Variants in CSMD3 observed in about 807,000 individuals in gnomAD.
CSMD3 encodes CUB and sushi domain-containing protein 3.
In CSMD3, 177 loss-of-function variants were observed where a neutral mutation model predicts 435.2. The ratio of observed to expected loss-of-function variants is 0.41; its 90% CI spans 0.36 to 0.46. CSMD3 has a LOEUF of 0.46. CSMD3 is among the 20% of genes least tolerant of loss of function. The pLI, the probability that CSMD3 is intolerant of heterozygous loss-of-function variation, is 0.34. For synonymous variants in CSMD3, 1,656 were observed against 1,520.5 expected, an observed-to-expected ratio of 1.09 and a Z score of -2.07; for missense variants, 4,265 against 4,504.6, an observed-to-expected ratio of 0.95 and a Z score of 1.52.
chr8:113,145,693 T>C (rs906651320), intron 4 of CSMD3, among the ~76,000 whole-genome samples: 3 of 151,658 alleles, frequency 2.0e-5, no homozygotes, highest in South Asian at 4.1e-4. Context: ...GTATATTACC[T>C]GGTTTATTAA....
At chr8:112,990,144 C>T (rs73347969) in intron 6 of CSMD3, among the ~76,000 whole-genome samples, 2,792 of 151,934 alleles carry the variant, frequency 0.018, 32 homozygotes, top group Non-Finnish European at 0.023. Flanking sequence ...TACTCAGTCC[C>T]GAATACGTCT....
chr8:113,081,110 G>A (rs141651005), intron 5 of CSMD3, among the ~76,000 whole-genome samples: 9 of 152,272 alleles, frequency 5.9e-5, no homozygotes, highest in African/African-American at 1.7e-4. Context: ...TAAATGTACT[G>A]TGAAAATGTA....
At chr8:112,321,081 T>TC (rs1038887240) in intron 45 of CSMD3, among the ~76,000 whole-genome samples, 3 of 152,140 alleles carry the variant, frequency 2.0e-5, no homozygotes, top group African/African-American at 4.8e-5. Context: ...TCTTTTTTTT[T>TC]CCCTTAAAGT....
intron 13 of CSMD3, among the ~76,000 whole-genome samples, chr8:112,740,028 G>C (rs1238787418): frequency 6.6e-6 from 1 of 151,462 alleles, no homozygotes; most frequent in Non-Finnish European, 1.5e-5. Context: ...GATATCAATG[G>C]GCACAGAGAA....
At chr8:112,662,824 C>T (rs2075419789) in intron 17 of CSMD3, among the ~76,000 whole-genome samples, 1 of 151,936 alleles carries the variant, frequency 6.6e-6, no homozygotes, top group Non-Finnish European at 1.5e-5. Context: ...AACAAATTTA[C>T]AAGAAAAAAA....
chr8:113,101,861 AT>A (rs2090340560), intron 4 of CSMD3, among the ~76,000 whole-genome samples: 1 of 152,086 alleles, frequency 6.6e-6, no homozygotes, highest in Non-Finnish European at 1.5e-5. Context: ...TAAATGTTAG[AT>A]TAAAAAAAAT....
intron 3 of CSMD3, among the ~76,000 whole-genome samples, chr8:113,267,524 T>C (rs1160001313): frequency 6.6e-6 from 1 of 151,652 alleles, no homozygotes; most frequent in African/African-American, 2.4e-5. Flanking sequence ...TTTTTACTTA[T>C]ATGTGGGATC....
intron 13 of CSMD3, among the ~76,000 whole-genome samples, chr8:112,750,973 C>T (rs1419659840): frequency 1.3e-5 from 2 of 151,724 alleles, no homozygotes; most frequent in Non-Finnish European, 2.9e-5. Flanking sequence ...TTCTGCAGGG[C>T]TGACTGCAGG....
At position 113,198,875 on chromosome 8, in the gene CSMD3, C is replaced by T. The variant is rs376970620; in HGVS notation, c.515-24959G>A. 2.0e-5 allele frequency among the ~76,000 whole-genome samples: 3 copies of T among 151,176 alleles called. No individual in the cohort carries two copies. The East Asian group carries it at 5.9e-4, about 29-fold the overall frequency. On this transcript the variant is annotated intron_variant, in intron 3 of 70. Transcript: ENST00000297405. ...TATCAAAATCCCCAAAAGAATTAAA[C>T]AGAGCCAACGTTAGAGATATTGTAA...
chr8:112,407,118 A>G (rs1831930425), intron 34 of CSMD3, among the ~76,000 whole-genome samples: 1 of 151,758 alleles, frequency 6.6e-6, no homozygotes, highest in South Asian at 2.1e-4. Flanking sequence ...ATATCAAATA[A>G]TTTTACATTT....
rs990676623 is a variant in CSMD3 at position 112,540,475 on chromosome 8, T to C, written c.4564+10196A>G. On this transcript the variant is annotated intron_variant, in intron 27 of 70. Transcript: ENST00000297405. The stretch of plus-strand genomic sequence containing the variant: ...AAAATTAGTATATCAAAGAGATAGC[T>C]GCACGTGCATGTTTATTGCAGCCCT... 3.3e-5 allele frequency among the ~76,000 whole-genome samples: 5 copies of C among 152,076 alleles called. 1 individual carries two copies. Among genetic ancestry groups the C allele is most frequent in the Admixed American group, 6.6e-5 (1 of 15,236 alleles).
chr8:112,254,067 T>C (rs1815540132), intron 63 of CSMD3, among the ~76,000 whole-genome samples, 186 bp downstream of exon 63: 1 of 152,040 alleles, frequency 6.6e-6, no homozygotes, highest in Admixed American at 6.6e-5. Flanking sequence ...TAGGAAATTT[T>C]ATTAAAAAAA....
intron 27 of CSMD3, among the ~76,000 whole-genome samples, chr8:112,524,761 T>C (rs1267125298): frequency 6.6e-6 from 1 of 151,982 alleles, no homozygotes; most frequent in African/African-American, 2.4e-5. Context: ...ATACAAAATC[T>C]ATTTTAAAAA....
chr8:112,387,630 C>A (rs1468100352), intron 36 of CSMD3, among the ~76,000 whole-genome samples: 2 of 152,000 alleles, frequency 1.3e-5, no homozygotes, highest in East Asian at 1.9e-4. Context: ...GCTTTACACA[C>A]TATATGTTTG....
chr8:112,407,493 A>C (rs1439149710), intron 34 of CSMD3, among the ~76,000 whole-genome samples: 1 of 152,038 alleles, frequency 6.6e-6, no homozygotes, highest in East Asian at 1.9e-4. Flanking sequence ...TTCTAAATAG[A>C]TTAATTCTTC....
Position 112,537,519 on chromosome 8 carries a change from A to C in CSMD3, c.4564+13152T>G, listed in dbSNP as rs553307991. ...GATTAAGAGAAAAGAGAGAAGCCTC[A>C]GGTAAAAATCACAGCCAAAAAATGA... is the stretch of plus-strand genomic sequence containing the variant. On this transcript the variant is annotated intron_variant, in intron 27 of 70. Coordinates refer to ENST00000297405, the MANE Select transcript of CSMD3 (RefSeq NM_198123.2). 1.1e-4 allele frequency among the ~76,000 whole-genome samples: 17 copies of C among 152,096 alleles called. No homozygotes were observed. The South Asian group carries it at 3.1e-3, about 28-fold the overall frequency.
At chr8:112,387,298 T>C (rs1830058785) in intron 36 of CSMD3, among the ~76,000 whole-genome samples, 1 of 152,218 alleles carries the variant, frequency 6.6e-6, no homozygotes, top group Non-Finnish European at 1.5e-5. Flanking sequence ...CAAGAATGAT[T>C]ATCCCACTTT....
At chr8:113,041,262 C>T (rs984844458) in intron 5 of CSMD3, among the ~76,000 whole-genome samples, 1 of 150,058 alleles carries the variant, frequency 6.7e-6, no homozygotes, top group Non-Finnish European at 1.5e-5. Flanking sequence ...TTTTCTCCAA[C>T]AATGGAATGT....
chr8:113,253,221 A>G (rs75768229), intron 3 of CSMD3, among the ~76,000 whole-genome samples: 1 of 120,190 alleles, frequency 8.3e-6, no homozygotes. Flanking sequence ...GTTAGCTGAC[A>G]AAAAAAAACT....
Sources: allele counts gnomAD v4.1 joint callset (sites outside exome capture counted in the v4.1 genomes callset), GRCh38; gene constraint gnomAD v4.1.1; transcripts MANE v1.5; gene names NCBI Gene and HGNC (gene_info 2026-07-23, HGNC 2026-07-21).